Variants in CAMK4 observed in about 807,000 individuals in gnomAD.
CAMK4 encodes calcium/calmodulin dependent protein kinase IV.
Under a neutral mutation model 44.9 loss-of-function variants are expected in CAMK4, and 22 were observed. The observed-to-expected ratio is 0.49, with a 90% CI of 0.35 to 0.70. The LOEUF (loss-of-function observed/expected upper bound fraction) is 0.70, where lower values mean the gene tolerates loss of function less well. CAMK4 is among the 30% of genes least tolerant of loss of function. CAMK4 has a pLI of 0.01. For synonymous variants in CAMK4, 218 were observed against 215.4 expected, an observed-to-expected ratio of 1.01 and a Z score of -0.11; for missense variants, 498 against 586.8, an observed-to-expected ratio of 0.85 and a Z score of 1.56.
At chr5:111,435,359 T>C (rs1197219763) in intron 5 of CAMK4, among the ~76,000 whole-genome samples, 1 of 152,060 alleles carries the variant, frequency 6.6e-6, no homozygotes, top group African/African-American at 2.4e-5. Flanking sequence ...ATTCCAAATA[T>C]CTACTCTTAT....
intron 4 of CAMK4, among the ~76,000 whole-genome samples, chr5:111,380,746 A>T (rs563239059): frequency 1.3e-5 from 2 of 152,300 alleles, no homozygotes; most frequent in East Asian, 3.9e-4. Flanking sequence ...AATGCCAAAC[A>T]TTATGTGTAA....
intron 4 of CAMK4, among the ~76,000 whole-genome samples, chr5:111,381,627 C>CA (rs1561452196): frequency 6.6e-6 from 1 of 152,192 alleles, no homozygotes; most frequent in African/African-American, 2.4e-5. Context: ...CCTTTGGCAA[C>CA]GCCCTCACAG....
rs6883401 is a variant in CAMK4 at position 111,237,478 on chromosome 5, T to G, written c.161+12834T>G. On this transcript the variant is annotated intron_variant, in intron 1 of 10. Coordinates refer to ENST00000282356, the MANE Select transcript of CAMK4 (RefSeq NM_001744.6). ...AAGGCTTTCTAAGTGTGTTGGAGGATCCTCACATAAATTTTATTCTCATTT... is the reference window on the plus strand; with the variant it reads ...AAGGCTTTCTAAGTGTGTTGGAGGAGCCTCACATAAATTTTATTCTCATTT... Among the ~76,000 whole-genome samples, 1,321 of 152,334 alleles carry G rather than the reference T, an allele frequency of 8.7e-3. 18 individuals are homozygous for G. The highest frequency in any genetic ancestry group is 0.03 in the African/African-American group (1,266 of 41,576).
chr5:111,271,440 AT>A (rs1018704123), intron 1 of CAMK4, among the ~76,000 whole-genome samples: 20 of 152,242 alleles, frequency 1.3e-4, no homozygotes, highest in Admixed American at 9.2e-4. Context: ...ATATTAGCTA[AT>A]GTGTAGTTGC....
chr5:111,264,065 C>T (rs937371836), intron 1 of CAMK4, among the ~76,000 whole-genome samples: 4 of 152,284 alleles, frequency 2.6e-5, no homozygotes, highest in African/African-American at 7.2e-5. Context: ...GTTCTCTCTC[C>T]GTGGACAGTT....
At chr5:111,326,979 A>G (rs1748919099) in intron 1 of CAMK4, among the ~76,000 whole-genome samples, 1 of 151,880 alleles carries the variant, frequency 6.6e-6, no homozygotes, top group African/African-American at 2.4e-5. Flanking sequence ...TAGAAAGCTG[A>G]GTGCTTTCTA....
At chr5:111,396,884 A>G (rs460288) in intron 5 of CAMK4, among the ~76,000 whole-genome samples, 80,236 of 151,048 alleles carry the variant, frequency 0.53, 21,869 homozygotes, top group African/African-American at 0.67. Context: ...CAGGAAATCC[A>G]CCCACCTTGG....
At chr5:111,480,286 A>ACACACACACACACACACACACC (rs1163614814) in intron 9 of CAMK4, among the ~76,000 whole-genome samples, 1 of 148,880 alleles carries the variant, frequency 6.7e-6, no homozygotes, top group African/African-American at 2.5e-5. Flanking sequence ...ACACACACAC[A>ACACACACACACACACACACACC]CACCCCTGGG....
At chr5:111,475,869 C>G (rs936514443) in intron 8 of CAMK4, among the ~76,000 whole-genome samples, 1 of 152,136 alleles carries the variant, frequency 6.6e-6, no homozygotes, top group Non-Finnish European at 1.5e-5. Flanking sequence ...CTGCTGGGCA[C>G]CTGAGACTAT....
chr5:111,374,193 C>G (rs1751121930), intron 2 of CAMK4, among the ~76,000 whole-genome samples: 1 of 152,138 alleles, frequency 6.6e-6, no homozygotes, highest in Non-Finnish European at 1.5e-5. Context: ...CATAACTCAG[C>G]AATATTTTTT....
intron 1 of CAMK4, among the ~76,000 whole-genome samples, chr5:111,322,449 T>A (rs978109722): frequency 1.3e-5 from 2 of 152,018 alleles, no homozygotes; most frequent in African/African-American, 2.4e-5. Context: ...TTTATCCTAA[T>A]AACAAATAAA....
intron 1 of CAMK4, among the ~76,000 whole-genome samples, chr5:111,314,205 C>G: frequency 6.6e-6 from 1 of 151,966 alleles, no homozygotes; most frequent in South Asian, 2.1e-4. Flanking sequence ...TAGTCTTAGG[C>G]TGTGTAATTT....
intron 5 of CAMK4, among the ~76,000 whole-genome samples, chr5:111,413,060 C>T (rs1353523308): frequency 6.6e-6 from 1 of 152,078 alleles, no homozygotes; most frequent in Admixed American, 6.6e-5. Flanking sequence ...ATCATGGGCT[C>T]GCCCTTGAAT....
chr5:111,318,881 A>G (rs963068471), intron 1 of CAMK4, among the ~76,000 whole-genome samples: 1 of 152,182 alleles, frequency 6.6e-6, no homozygotes, highest in African/African-American at 2.4e-5. Flanking sequence ...ACAAAGATGG[A>G]AAACAGTAAG....
chr5:111,337,500 G>C (rs1749455426), intron 1 of CAMK4, among the ~76,000 whole-genome samples: 1 of 147,194 alleles, frequency 6.8e-6, no homozygotes, highest in African/African-American at 2.5e-5. Flanking sequence ...TTGCATCCTT[G>C]CCAGCCTTTT....
At chr5:111,384,079 A>C (rs972590085) in intron 4 of CAMK4, among the ~76,000 whole-genome samples, 1 of 152,148 alleles carries the variant, frequency 6.6e-6, no homozygotes, top group African/African-American at 2.4e-5. Flanking sequence ...AAAGAAGGGA[A>C]ATTGATCTCC....
At chr5:111,353,802 A>G (rs1237192497) in intron 2 of CAMK4, among the ~76,000 whole-genome samples, 1 of 152,154 alleles carries the variant, frequency 6.6e-6, no homozygotes, top group East Asian at 1.9e-4. Flanking sequence ...GAGGTGAAAG[A>G]TCTGTACTCT....
In CAMK4 at chr5:111,492,515, C is replaced by T. The variant is rs1755887742; in HGVS notation, c.*8049C>T. On this transcript the variant is annotated 3_prime_UTR_variant, in exon 11 of 11. Transcript: ENST00000282356. Reference sequence around the variant, plus strand: ...TCTCCCCTGCCCATCTTCTTGATTGCTCAGTTTGAAGACGATCATTGATGG... The same window carrying T: ...TCTCCCCTGCCCATCTTCTTGATTGTTCAGTTTGAAGACGATCATTGATGG... 6.6e-6 allele frequency: 1 copy of T among 152,150 alleles called. No individual in the cohort carries two copies. The highest frequency in any genetic ancestry group is 2.1e-4 in the South Asian group (1 of 4,828). 9.4% of individuals were successfully genotyped at this position (152,150 alleles called of 1,614,324 possible).
intron 4 of CAMK4, among the ~76,000 whole-genome samples, chr5:111,389,597 A>G (rs555962590): frequency 6.6e-6 from 1 of 152,316 alleles, no homozygotes; most frequent in East Asian, 1.9e-4. Flanking sequence ...TGCCATTTGC[A>G]TGAGTAGTGC....
Sources: allele counts gnomAD v4.1 joint callset (sites outside exome capture counted in the v4.1 genomes callset), GRCh38; gene constraint gnomAD v4.1.1; transcripts MANE v1.5; gene names NCBI Gene and HGNC (gene_info 2026-07-23, HGNC 2026-07-21).